Variants in TAMM41 observed in about 807,000 individuals in gnomAD.
TAMM41 encodes the protein TAM41 mitochondrial translocator assembly and maintenance homolog.
TAMM41 carries 36 observed loss-of-function variants against 44.1 expected under a neutral mutation model. That is an observed-to-expected ratio of 0.82 (90% CI 0.63 to 1.08). The LOEUF is 1.08. TAMM41 is among the 50% of genes least tolerant of loss of function. TAMM41 has a pLI of 0.00. For synonymous variants in TAMM41, 164 were observed against 153.1 expected, an observed-to-expected ratio of 1.07 and a Z score of -0.53; for missense variants, 417 against 404.3, an observed-to-expected ratio of 1.03 and a Z score of -0.27.
At chr3:11,833,373 C>G (rs1045817362) in intron 3 of TAMM41, among the ~76,000 whole-genome samples, 1 of 152,216 alleles carries the variant, frequency 6.6e-6, no homozygotes, top group Admixed American at 6.5e-5. Context: ...TCCTCTAAAA[C>G]TGTCACAAGG....
At chr3:11,727,699 C>T in the TAMM41 span, among the ~76,000 whole-genome samples, 23 of 152,142 alleles carry the variant, frequency 1.5e-4, no homozygotes, top group African/African-American at 5.5e-4. Context: ...CTTCTGGACT[C>T]AAGTGATCCT....
the TAMM41 span, among the ~76,000 whole-genome samples, chr3:11,743,890 G>C: frequency 6.6e-6 from 1 of 151,990 alleles, no homozygotes; most frequent in African/African-American, 2.4e-5. Flanking sequence ...CCCAGCCTCT[G>C]TCACCCTTCC....
chr3:11,836,501 T>C (rs2079183009), intron 3 of TAMM41, among the ~76,000 whole-genome samples: 1 of 152,216 alleles, frequency 6.6e-6, no homozygotes, highest in African/African-American at 2.4e-5. Context: ...TCTCGCTTTG[T>C]CACCCAGGCT....
rs750578163 is a variant in TAMM41, at chr3:11,846,593, T to C, written c.44A>G (p.Lys15Arg). 6.2e-7 allele frequency: 1 copy of C among 1,614,210 alleles called. No homozygotes were observed. The highest frequency in any genetic ancestry group is 1.1e-5 in the South Asian group (1 of 91,078). ...CTCCTCGGGGAAGTGAGACAGGATC[T>C]TGCGGAAGGTCACCCACGAGCTCTG... ...TLQSSWVTFR[K>R]ILSHFPEELS... Residue 15 changes from lysine to arginine, a missense_variant, in exon 1 of 8, where the codon AAG becomes AGG. Lys to Arg is a conservative substitution (Grantham distance 26, BLOSUM62 2). Coordinates refer to ENST00000455809, the MANE Select transcript of TAMM41 (RefSeq NM_001284401.2).
chr3:11,763,647 A>C, the TAMM41 span, among the ~76,000 whole-genome samples: 13 of 152,348 alleles, frequency 8.5e-5, no homozygotes, highest in South Asian at 2.5e-3. Context: ...AATTTCCCAT[A>C]ATATTACTTT....
chr3:11,734,082 G>A, the TAMM41 span, among the ~76,000 whole-genome samples: 7 of 152,194 alleles, frequency 4.6e-5, no homozygotes, highest in Non-Finnish European at 5.9e-5. Context: ...GAATGAAGAC[G>A]GGCTAGGAAA....
chr3:11,814,561 A>G (rs953326159), intron 5 of TAMM41, among the ~76,000 whole-genome samples: 13 of 152,196 alleles, frequency 8.5e-5, no homozygotes, highest in Non-Finnish European at 1.9e-4. Context: ...GCAACCACCT[A>G]ACAGGAATCC....
the TAMM41 span, among the ~76,000 whole-genome samples, chr3:11,780,592 A>G: frequency 1.3e-5 from 2 of 152,200 alleles, no homozygotes; most frequent in African/African-American, 4.8e-5. Flanking sequence ...GAATAATAAG[A>G]GTCCCTGTTA....
chr3:11,780,036 T>C, the TAMM41 span, among the ~76,000 whole-genome samples: 42 of 152,300 alleles, frequency 2.8e-4, no homozygotes, highest in African/African-American at 9.4e-4. Flanking sequence ...TGGACCACCA[T>C]CATCTCTCAA....
At chr3:11,760,572 G>GTTTTGTTTTGT in the TAMM41 span, among the ~76,000 whole-genome samples, 1 of 149,838 alleles carries the variant, frequency 6.7e-6, no homozygotes, top group East Asian at 1.9e-4. Context: ...GTTTTGTTTT[G>GTTTTGTTTTGT]TTTTTTGAGA....
intron 6 of TAMM41, chr3:11,808,401 T>C (rs1230977975): frequency 1.0e-6 from 1 of 992,958 alleles, no homozygotes; most frequent in Non-Finnish European, 1.2e-6. Flanking sequence ...GTGTGCCTCG[T>C]ACAGAGCTAT....
the TAMM41 span, among the ~76,000 whole-genome samples, chr3:11,730,280 G>A: frequency 6.6e-6 from 1 of 151,878 alleles, no homozygotes; most frequent in Admixed American, 6.6e-5. Context: ...AATTAGCCAG[G>A]TGTGGTGGCA....
intron 7 of TAMM41, among the ~76,000 whole-genome samples, chr3:11,798,566 A>G (rs1271182857): frequency 6.6e-6 from 1 of 152,142 alleles, no homozygotes; most frequent in African/African-American, 2.4e-5. Flanking sequence ...AGGCTTAATA[A>G]ATAGGTGACA....
At chr3:11,819,125 T>C (rs1328618942) in intron 4 of TAMM41, among the ~76,000 whole-genome samples, 3 of 152,306 alleles carry the variant, frequency 2.0e-5, no homozygotes, top group African/African-American at 4.8e-5. Flanking sequence ...CTTTCACATA[T>C]TGCTGTTGAC....
At chr3:11,773,610 A>G in the TAMM41 span, among the ~76,000 whole-genome samples, 1 of 152,228 alleles carries the variant, frequency 6.6e-6, no homozygotes, top group Non-Finnish European at 1.5e-5. Flanking sequence ...AGACACTTGG[A>G]AACTTGACCC....
At chr3:11,827,315 T>C (rs1208512138) in intron 4 of TAMM41, among the ~76,000 whole-genome samples, 2 of 151,562 alleles carry the variant, frequency 1.3e-5, no homozygotes, top group African/African-American at 2.4e-5. Context: ...TTTTCTTTTT[T>C]TTTTTTTGAG....
At chr3:11,747,681 G>A in the TAMM41 span, among the ~76,000 whole-genome samples, 34 of 151,796 alleles carry the variant, frequency 2.2e-4, no homozygotes, top group African/African-American at 7.5e-4. Context: ...TGGGAGGACT[G>A]CCTGAGCCCA....
the TAMM41 span, among the ~76,000 whole-genome samples, chr3:11,769,744 T>G: frequency 2.0e-5 from 3 of 152,152 alleles, no homozygotes; most frequent in Admixed American, 1.3e-4. Flanking sequence ...AAAATCAGAA[T>G]GGGGTGAGGG....
chr3:11,841,679 GTCC>G (rs2079450137), intron 2 of TAMM41, among the ~76,000 whole-genome samples: 1 of 152,182 alleles, frequency 6.6e-6, no homozygotes, highest in Admixed American at 6.5e-5. Context: ...AAAGCTAAGT[GTCC>G]TGCATGACTC....
Sources: gnomAD v4.1 joint callset for allele counts (sites outside exome capture counted in the v4.1 genomes callset) on GRCh38, gnomAD v4.1.1 for gene constraint, MANE v1.5 for transcripts, NCBI Gene and HGNC (gene_info 2026-07-23, HGNC 2026-07-21) for gene names.